Variants in CCDC73 observed in about 807,000 individuals in gnomAD.
CCDC73 encodes the protein coiled-coil domain containing 73.
CCDC73 carries 95 observed loss-of-function variants against 116.5 expected under a neutral mutation model. The observed-to-expected ratio is 0.82, with a 90% CI of 0.69 to 0.97. CCDC73 has a LOEUF of 0.97. Among genes scored for constraint, CCDC73 ranks in the 50% least tolerant of loss-of-function variants. The pLI is 0.00. For missense variants in CCDC73, 1,066 were observed against 1,206.8 expected (o/e 0.88, Z 1.73); for synonymous variants, 398 against 401.3 (o/e 0.99, Z 0.10).
chr11:32,660,824 C>T (rs1381627732), intron 9 of CCDC73, among the ~76,000 whole-genome samples: 2 of 151,796 alleles, frequency 1.3e-5, no homozygotes, highest in African/African-American at 2.4e-5. Context: ...GAGACCCCGA[C>T]TCAAAAAAAG....
intron 9 of CCDC73, among the ~76,000 whole-genome samples, chr11:32,672,211 G>A (rs1311721112): frequency 6.6e-6 from 1 of 152,096 alleles, no homozygotes; most frequent in Non-Finnish European, 1.5e-5. Flanking sequence ...GCATGGTGGT[G>A]CATGCCTGTA....
At chr11:32,670,997 CT>C (rs1856033083) in intron 9 of CCDC73, among the ~76,000 whole-genome samples, 1 of 152,114 alleles carries the variant, frequency 6.6e-6, no homozygotes, top group Non-Finnish European at 1.5e-5. Flanking sequence ...AGATCTTCCA[CT>C]GAAAAACATG....
chr11:32,625,719 C>A (rs888704204), intron 14 of CCDC73, among the ~76,000 whole-genome samples: 10 of 151,906 alleles, frequency 6.6e-5, no homozygotes, highest in African/African-American at 2.4e-4. Context: ...ACAGAACCAA[C>A]GACAAAAAAC....
chr11:32,723,670 A>G (rs749200658), intron 2 of CCDC73, among the ~76,000 whole-genome samples: 1 of 152,164 alleles, frequency 6.6e-6, no homozygotes, highest in Non-Finnish European at 1.5e-5. Flanking sequence ...AAGGCATGAC[A>G]CTTTCTAAAG....
chr11:32,769,094 T>C (rs1850470404), intron 1 of CCDC73, among the ~76,000 whole-genome samples: 1 of 152,130 alleles, frequency 6.6e-6, no homozygotes, highest in South Asian at 2.1e-4. Flanking sequence ...CAATAGGAAC[T>C]CCCAGATACC....
chr11:32,830,178 G>A, the CCDC73 span: 1 of 1,041,268 alleles, frequency 9.6e-7, no homozygotes, highest in Non-Finnish European at 1.2e-6. Context: ...ACACAGGTAC[G>A]AGGCCTGGCG....
At chr11:32,829,710 A>T in the CCDC73 span, 1 of 939,408 alleles carries the variant, frequency 1.1e-6, no homozygotes, top group Non-Finnish European at 1.3e-6. Flanking sequence ...GTGCAGACAC[A>T]AATCGAAAAG....
chr11:32,812,536 G>A, the CCDC73 span, among the ~76,000 whole-genome samples: 1 of 152,154 alleles, frequency 6.6e-6, no homozygotes, highest in Non-Finnish European at 1.5e-5. Flanking sequence ...AGATGTGGTG[G>A]TGCATGCCTG....
At chr11:32,648,613 G>A (rs1221027617) in intron 12 of CCDC73, among the ~76,000 whole-genome samples, 1 of 151,448 alleles carries the variant, frequency 6.6e-6, no homozygotes, top group South Asian at 2.1e-4. Flanking sequence ...GTGCAGTGGT[G>A]CAATCTCAGC....
At chr11:32,703,720 T>G (rs1042206862) in intron 3 of CCDC73, among the ~76,000 whole-genome samples, 12 of 127,796 alleles carry the variant, frequency 9.4e-5, no homozygotes, top group Admixed American at 8.9e-5. Context: ...AAACCAAAAC[T>G]ACCACAAGAG....
At chr11:32,612,306 TAAAAG>T (rs1855428613) in intron 16 of CCDC73, among the ~76,000 whole-genome samples, 1 of 152,122 alleles carries the variant, frequency 6.6e-6, no homozygotes, top group African/African-American at 2.4e-5. Flanking sequence ...AGATTGCTAT[TAAAAG>T]AAAACATGCT....
At chr11:32,777,097 TTC>T (rs1491054293) in intron 1 of CCDC73, among the ~76,000 whole-genome samples, 8 of 140,594 alleles carry the variant, frequency 5.7e-5, no homozygotes, top group Non-Finnish European at 1.1e-4. Context: ...TTTTTTTTCT[TTC>T]TTTTTTTTTT....
At chr11:32,769,925 G>C (rs543855762) in intron 1 of CCDC73, among the ~76,000 whole-genome samples, 1 of 152,238 alleles carries the variant, frequency 6.6e-6, no homozygotes, top group East Asian at 1.9e-4. Context: ...ACCTCCCAAA[G>C]CCAGTGGCAT....
intron 17 of CCDC73, chr11:32,605,145 C>T (rs1268117224): frequency 6.6e-6 from 1 of 151,704 alleles, no homozygotes; most frequent in Non-Finnish European, 1.5e-5. Flanking sequence ...AGCCACCCTG[C>T]CCGACCTAGT....
chr11:32,670,923 T>C (rs1239866378), intron 9 of CCDC73, among the ~76,000 whole-genome samples: 1 of 152,334 alleles, frequency 6.6e-6, no homozygotes, highest in East Asian at 1.9e-4. Context: ...TCTTTCTTTT[T>C]CTTTTATATA....
At chr11:32,629,807 A>G (rs1855613064) in intron 14 of CCDC73, among the ~76,000 whole-genome samples, 1 of 151,386 alleles carries the variant, frequency 6.6e-6, no homozygotes, top group Non-Finnish European at 1.5e-5. Flanking sequence ...CTTAAAATTA[A>G]TGAAAGAAAA....
At position 32,614,386 on chromosome 11, in the gene CCDC73, T is replaced by C. The variant is rs117983166; in HGVS notation, c.1932A>G (p.Lys644=). 2.2e-3 allele frequency: 3,616 copies of C among 1,613,292 alleles called. 46 individuals are homozygous for C. The East Asian group carries it at 0.034, about 15-fold the overall frequency. ...CATTACTTGAATTCCGTAAACTATA[T>C]TTCTGACATGGAACAGGATTTTTTT... is the stretch of plus-strand genomic sequence containing the variant. ...DIKKNPVPCQ[K]YSLRNSSNVM... The change falls in exon 16 of 18, where the codon AAA becomes AAG. Residue 644 remains lysine (K), a synonymous_variant. Transcript: ENST00000335185.
intron 7 of CCDC73, chr11:32,682,730 T>C (rs770082190): frequency 2.6e-5 from 4 of 151,772 alleles, no homozygotes; most frequent in African/African-American, 4.8e-5. Context: ...CTGAATAAAA[T>C]AGAGCTAGAA....
upstream of CCDC73, among the ~76,000 whole-genome samples, chr11:32,796,691 G>A (rs926835933): frequency 3.3e-5 from 5 of 152,112 alleles, no homozygotes; most frequent in Admixed American, 6.6e-5. Flanking sequence ...GTCATGAGGG[G>A]AGAATAGGAT....
Sources: gnomAD v4.1 joint callset for allele counts (sites outside exome capture counted in the v4.1 genomes callset) on GRCh38, gnomAD v4.1.1 for gene constraint, MANE v1.5 for transcripts, NCBI Gene and HGNC (gene_info 2026-07-23, HGNC 2026-07-21) for gene names.